Variants in RIT2 observed in about 807,000 individuals in gnomAD.
RIT2 encodes Ras like without CAAX 2, also known as GTP-binding protein Rit2.
RIT2 carries 24 observed loss-of-function variants against 23.7 expected under a neutral mutation model. The observed-to-expected ratio is 1.01, with a 90% CI of 0.73 to 1.43. The LOEUF is 1.43. Ranked by LOEUF, RIT2 falls within the 40% of genes most tolerant of loss-of-function variation. RIT2 has a pLI of 0.00. For synonymous variants in RIT2, 107 were observed against 91.1 expected (o/e 1.17, Z -0.99); for missense variants, 236 against 266.9 (o/e 0.88, Z 0.81).
intron 1 of RIT2, among the ~76,000 whole-genome samples, chr18:43,062,821 C>G (rs1598767375): frequency 6.6e-6 from 1 of 152,006 alleles, no homozygotes; most frequent in East Asian, 1.9e-4. Flanking sequence ...TTCTGACACG[C>G]AAATGGTGAT....
At position 43,051,251 on chromosome 18, in the gene RIT2, G is replaced by A. The variant is rs141661720; in HGVS notation, c.104-17384C>T. ...ACAGAAGTCTTCCATGTTAATGATT[G>A]CTGTTGTGGTAGCATCAAAGTAGAG... On this transcript the variant is annotated intron_variant, in intron 1 of 4. Transcript: ENST00000326695. Among the ~76,000 whole-genome samples, 4 of 152,230 alleles carry A rather than the reference G, an allele frequency of 2.6e-5. No homozygotes were observed. The East Asian group carries it at 7.7e-4, about 29-fold the overall frequency.
At chr18:42,769,573 A>G (rs1021128454) in intron 4 of RIT2, among the ~76,000 whole-genome samples, 1 of 152,060 alleles carries the variant, frequency 6.6e-6, no homozygotes, top group Non-Finnish European at 1.5e-5. Context: ...TAAAACATAA[A>G]TGTTTTAAAA....
At chr18:42,954,325 G>A (rs1001266242) in intron 3 of RIT2, among the ~76,000 whole-genome samples, 13 of 145,336 alleles carry the variant, frequency 8.9e-5, no homozygotes, top group Non-Finnish European at 1.6e-4. Flanking sequence ...GCAGTGATCC[G>A]AGACTGCTCC....
At chr18:43,025,248 A>G (rs965773449) in intron 2 of RIT2, among the ~76,000 whole-genome samples, 1 of 149,950 alleles carries the variant, frequency 6.7e-6, no homozygotes, top group African/African-American at 2.5e-5. Flanking sequence ...AAAAAAAAAA[A>G]CAGGCAGCAA....
At chr18:42,797,680 G>T (rs1479885730) in intron 4 of RIT2, among the ~76,000 whole-genome samples, 1 of 152,058 alleles carries the variant, frequency 6.6e-6, no homozygotes, top group East Asian at 1.9e-4. Flanking sequence ...TGCTTCAGAA[G>T]TTTTCAAAAT....
At chr18:42,965,200 G>A (rs992687915) in intron 3 of RIT2, among the ~76,000 whole-genome samples, 1 of 152,154 alleles carries the variant, frequency 6.6e-6, no homozygotes, top group Non-Finnish European at 1.5e-5. Context: ...AACCAGTTTT[G>A]AGGATGATAG....
chr18:42,759,888 C>T (rs1913261405), intron 4 of RIT2, among the ~76,000 whole-genome samples: 1 of 151,918 alleles, frequency 6.6e-6, no homozygotes, highest in Non-Finnish European at 1.5e-5. Context: ...AATGATTCTC[C>T]CGCCTCAGCT....
intron 3 of RIT2, among the ~76,000 whole-genome samples, chr18:42,958,892 T>C (rs1910035365): frequency 6.6e-6 from 1 of 152,172 alleles, no homozygotes; most frequent in African/African-American, 2.4e-5. Context: ...ACCCCACTTT[T>C]ATTACTCTCC....
chr18:43,030,463 C>G (rs1032448896), intron 2 of RIT2, among the ~76,000 whole-genome samples: 3 of 151,976 alleles, frequency 2.0e-5, no homozygotes, highest in Non-Finnish European at 2.9e-5. Flanking sequence ...AAGCTGAAGA[C>G]ATAAATAATA....
chr18:43,104,570 GA>G (rs929006453), intron 1 of RIT2, among the ~76,000 whole-genome samples: 4 of 150,004 alleles, frequency 2.7e-5, no homozygotes, highest in East Asian at 1.9e-4. Flanking sequence ...AAATGAAAGG[GA>G]AAAAAAAAGA....
chr18:43,021,762 C>T (rs1230529569), intron 2 of RIT2, among the ~76,000 whole-genome samples: 4 of 152,066 alleles, frequency 2.6e-5, no homozygotes, highest in Admixed American at 2.6e-4. Flanking sequence ...GCAGAAGCCA[C>T]CATGCTTTCT....
intron 4 of RIT2, among the ~76,000 whole-genome samples, chr18:42,821,833 A>G (rs1484367722): frequency 6.6e-6 from 1 of 152,208 alleles, no homozygotes; most frequent in East Asian, 1.9e-4. Flanking sequence ...AAAGGAACAC[A>G]GTTCCTAACC....
At chr18:43,094,129 T>TA (rs1223681074) in intron 1 of RIT2, among the ~76,000 whole-genome samples, 1 of 131,188 alleles carries the variant, frequency 7.6e-6, no homozygotes, top group East Asian at 2.4e-4. Flanking sequence ...TTTTGTTTTT[T>TA]TTTTTTTTTT....
chr18:42,904,029 G>T (rs1039111600), intron 4 of RIT2, among the ~76,000 whole-genome samples: 2 of 152,004 alleles, frequency 1.3e-5, no homozygotes, highest in South Asian at 4.2e-4. Flanking sequence ...AAATTGTAAT[G>T]CTATATTTAT....
intron 4 of RIT2, among the ~76,000 whole-genome samples, chr18:42,885,911 T>A (rs1412613951): frequency 6.6e-6 from 1 of 152,214 alleles, no homozygotes; most frequent in Non-Finnish European, 1.5e-5. Flanking sequence ...GCCATAGAAG[T>A]GTACTGATTA....
chr18:42,770,023 T>C (rs1258165878), intron 4 of RIT2, among the ~76,000 whole-genome samples: 1 of 151,978 alleles, frequency 6.6e-6, no homozygotes, highest in African/African-American at 2.4e-5. Context: ...ATTCCTAGTT[T>C]TTTTTTTGCA....
chr18:42,873,220 C>T (rs1907663420), intron 4 of RIT2, among the ~76,000 whole-genome samples: 1 of 152,064 alleles, frequency 6.6e-6, no homozygotes, highest in Admixed American at 6.6e-5. Context: ...ATTTGTTTTT[C>T]CTTACTATTA....
chr18:42,806,303 TAC>T (rs1467041159), intron 4 of RIT2, among the ~76,000 whole-genome samples: 1 of 151,588 alleles, frequency 6.6e-6, no homozygotes, highest in Non-Finnish European at 1.5e-5. Context: ...ACCTCATCTC[TAC>T]TAATAATAGA....
chr18:43,038,183 C>T (rs1259095330), intron 1 of RIT2, among the ~76,000 whole-genome samples: 7 of 130,134 alleles, frequency 5.4e-5, no homozygotes, highest in African/African-American at 1.7e-4. Flanking sequence ...CCAGCCTGGG[C>T]GACAGAGTGA....
Sources: gnomAD v4.1 joint callset for allele counts (sites outside exome capture counted in the v4.1 genomes callset) on GRCh38, gnomAD v4.1.1 for gene constraint, MANE v1.5 for transcripts, NCBI Gene and HGNC (gene_info 2026-07-23, HGNC 2026-07-21) for gene names.